Variants in ADAMTSL3 observed in about 807,000 individuals in gnomAD.
ADAMTSL3 encodes the protein ADAMTS like 3.
In ADAMTSL3, 128 loss-of-function variants were observed where a neutral mutation model predicts 201.7. That is an observed-to-expected ratio of 0.63 (90% CI 0.55 to 0.73). The LOEUF (loss-of-function observed/expected upper bound fraction) is 0.73. Ranked by LOEUF, ADAMTSL3 falls within the 30% of genes least tolerant of loss-of-function variation. The probability of loss-of-function intolerance (pLI) is 0.00; values close to 1 mark genes in which losing one functional copy is unlikely to be tolerated. For missense variants in ADAMTSL3, 1,990 were observed against 2,119.6 expected (o/e 0.94, Z 1.20); for synonymous variants, 738 against 748.4 (o/e 0.99, Z 0.23).
At chr15:83,923,201 G>A (rs1429087756) in intron 16 of ADAMTSL3, among the ~76,000 whole-genome samples, 3 of 152,060 alleles carry the variant, frequency 2.0e-5, no homozygotes, top group Admixed American at 2.0e-4. Flanking sequence ...TAATTTTTAG[G>A]CTTGAATCTA....
intron 3 of ADAMTSL3, among the ~76,000 whole-genome samples, chr15:83,735,390 A>G (rs1486402126): frequency 1.2e-4 from 19 of 152,256 alleles, no homozygotes; most frequent in Admixed American, 1.1e-3. Flanking sequence ...ACTGTTCCTT[A>G]TTTTAACAAG....
chr15:83,936,164 T>C (rs1350123561), intron 17 of ADAMTSL3, among the ~76,000 whole-genome samples: 2 of 152,014 alleles, frequency 1.3e-5, no homozygotes, highest in East Asian at 3.8e-4. Context: ...AAAAAAGAAA[T>C]ATTGTCCAAC....
chr15:84,014,410 C>T, intron 23 of ADAMTSL3, 132 bp from the exon 24 acceptor site: 1 of 809,526 alleles, frequency 1.2e-6, no homozygotes. Flanking sequence ...TAGAAATAGC[C>T]ATTTTTCCTA....
At chr15:84,022,701 G>T (rs928690733) in intron 26 of ADAMTSL3, among the ~76,000 whole-genome samples, 1 of 152,140 alleles carries the variant, frequency 6.6e-6, no homozygotes, top group Non-Finnish European at 1.5e-5. Context: ...GTAAATATTT[G>T]CTGACTGACT....
intron 20 of ADAMTSL3, among the ~76,000 whole-genome samples, chr15:83,974,976 T>C (rs1596485866): frequency 6.6e-6 from 1 of 151,098 alleles, no homozygotes; most frequent in African/African-American, 2.4e-5. Flanking sequence ...TCTCTCTCCT[T>C]GTACTGGCAC....
At chr15:83,887,517 C>T (rs2065419467) in intron 10 of ADAMTSL3, among the ~76,000 whole-genome samples, 1 of 152,192 alleles carries the variant, frequency 6.6e-6, no homozygotes, top group Non-Finnish European at 1.5e-5. Flanking sequence ...TTGAATGTTA[C>T]AAGCATTTTT....
At chr15:83,770,783 A>G (rs2062969167) in intron 3 of ADAMTSL3, among the ~76,000 whole-genome samples, 1 of 152,192 alleles carries the variant, frequency 6.6e-6, no homozygotes, top group Non-Finnish European at 1.5e-5. Flanking sequence ...TAAAAACACA[A>G]AACACGCCGG....
chr15:83,757,205 G>T (rs544065457), intron 3 of ADAMTSL3, among the ~76,000 whole-genome samples: 1 of 152,338 alleles, frequency 6.6e-6, no homozygotes, highest in African/African-American at 2.4e-5. Flanking sequence ...CTTCTTCACT[G>T]CCCTAGCAGA....
intron 19 of ADAMTSL3, among the ~76,000 whole-genome samples, chr15:83,966,437 A>G (rs960672861): frequency 6.6e-6 from 1 of 152,210 alleles, no homozygotes; most frequent in Non-Finnish European, 1.5e-5. Flanking sequence ...GAAGAAATGG[A>G]TAAATTCCTG....
In ADAMTSL3 at chr15:83,892,775, G is replaced by T. The variant is rs755607475; in HGVS notation, c.1354G>T (p.Gly452Ter). The T allele has an allele frequency of 6.2e-7, 1 of 1,614,140 alleles. No homozygotes were observed. The highest frequency in any genetic ancestry group is 1.1e-5 in the South Asian group (1 of 91,070). Reference protein sequence around the residue: ...SFVCVEESMHGEILQVEEWKC... With the variant: ...SFVCVEESMH ...TGTGTGTGTAGAGGAATCCATGCATGGAGAGATATTGCAGGTGGAAGAATG... is the reference window on the plus strand; with the variant it reads ...TGTGTGTGTAGAGGAATCCATGCATTGAGAGATATTGCAGGTGGAAGAATG... Residue 452 changes from glycine to a stop codon, truncating the protein, a stop_gained, in exon 13 of 30, where the codon GGA becomes TGA. Transcript: ENST00000286744. LOFTEE classifies it high-confidence loss of function.
chr15:83,715,242 A>T (rs970271105), intron 3 of ADAMTSL3, among the ~76,000 whole-genome samples: 2 of 152,192 alleles, frequency 1.3e-5, no homozygotes, highest in Non-Finnish European at 2.9e-5. Flanking sequence ...AGCTCAGGAC[A>T]GTGACTGATG....
chr15:83,968,021 CA>C (rs535891406), intron 19 of ADAMTSL3, among the ~76,000 whole-genome samples: 135 of 152,252 alleles, frequency 8.9e-4, no homozygotes, highest in African/African-American at 3.1e-3. Flanking sequence ...ACACCTTATA[CA>C]AAAATTAACT....
At chr15:83,856,165 CTTT>C (rs201506032) in intron 7 of ADAMTSL3, among the ~76,000 whole-genome samples, 3 of 141,260 alleles carry the variant, frequency 2.1e-5, no homozygotes, top group African/African-American at 2.6e-5. Flanking sequence ...CTTTCCTTTC[CTTT>C]TTTTTTTTTT....
At chr15:84,000,946 T>C (rs1174774414) in intron 23 of ADAMTSL3, among the ~76,000 whole-genome samples, 1 of 152,170 alleles carries the variant, frequency 6.6e-6, no homozygotes, top group African/African-American at 2.4e-5. Context: ...TTCATTTTAT[T>C]GGCAAAGAGG....
chr15:83,914,182 T>G (rs1157963872), intron 16 of ADAMTSL3, among the ~76,000 whole-genome samples: 1 of 152,196 alleles, frequency 6.6e-6, no homozygotes, highest in Non-Finnish European at 1.5e-5. Flanking sequence ...AAGAGCTTGG[T>G]GCCTGAATGT....
At chr15:83,783,473 A>G (rs1034285268) in intron 4 of ADAMTSL3, among the ~76,000 whole-genome samples, 7 of 152,146 alleles carry the variant, frequency 4.6e-5, no homozygotes, top group Non-Finnish European at 1.0e-4. Context: ...TTGTTAGGCT[A>G]TAAAACAAAA....
intron 27 of ADAMTSL3, among the ~76,000 whole-genome samples, chr15:84,028,266 AG>A (rs989968566): frequency 1.6e-4 from 24 of 152,344 alleles, no homozygotes; most frequent in African/African-American, 5.8e-4. Context: ...AGCCAAAAAA[AG>A]AAAAAAGGCA....
At chr15:83,885,515 C>T (rs1025585443) in intron 10 of ADAMTSL3, among the ~76,000 whole-genome samples, 6 of 151,662 alleles carry the variant, frequency 4.0e-5, no homozygotes, top group African/African-American at 7.3e-5. Flanking sequence ...CTTGATTGCC[C>T]TTAAAGTACG....
chr15:83,986,102 C>T (rs1180768083), intron 21 of ADAMTSL3, among the ~76,000 whole-genome samples: 1 of 152,034 alleles, frequency 6.6e-6, no homozygotes, highest in Non-Finnish European at 1.5e-5. Flanking sequence ...AGGTCAATAC[C>T]GTTTTTAAAA....
Sources: allele counts gnomAD v4.1 joint callset (sites outside exome capture counted in the v4.1 genomes callset), GRCh38; gene constraint gnomAD v4.1.1; transcripts MANE v1.5; gene names NCBI Gene and HGNC (gene_info 2026-07-23, HGNC 2026-07-21).